The following PXDC1 variants were observed in gnomAD, a reference collection of about 807,000 sequenced individuals.
PXDC1 encodes the protein PX domain containing 1.
A neutral mutation model predicts 24.4 loss-of-function variants in PXDC1; 13 were observed. The observed-to-expected ratio is 0.53, with a 90% CI of 0.35 to 0.85. The LOEUF (loss-of-function observed/expected upper bound fraction) is 0.85, where lower values mean the gene tolerates loss of function less well. PXDC1 is among the 40% of genes least tolerant of loss of function. The pLI, the probability that PXDC1 is intolerant of heterozygous loss-of-function variation, is 0.01. For missense variants in PXDC1, 344 were observed against 309.3 expected, an observed-to-expected ratio of 1.11 and a Z score of -0.84; for synonymous variants, 162 against 124.9, an observed-to-expected ratio of 1.30 and a Z score of -1.98.
chr6:3,738,034 G>GC (rs3215783), intron 2 of PXDC1, 23 bp downstream of exon 2: 1 of 1,605,570 alleles, frequency 6.2e-7, no homozygotes, highest in Admixed American at 1.7e-5. Context: ...TCCCTGCCCA[G>GC]CCCGGGGCCT....
chr6:3,751,144 G>A (rs1429595013), intron 1 of PXDC1, 132 bp downstream of exon 1: 7 of 705,238 alleles, frequency 9.9e-6, no homozygotes, highest in South Asian at 2.5e-5. Flanking sequence ...CGGGCGCGGG[G>A]TCCAAGTGTC....
intron 1 of PXDC1, among the ~76,000 whole-genome samples, chr6:3,748,943 C>CT (rs897303907): frequency 6.6e-6 from 1 of 152,170 alleles, no homozygotes; most frequent in Non-Finnish European, 1.5e-5. Flanking sequence ...TCCAGATAAT[C>CT]TTTTTATGCA....
chr6:3,738,010 C>T (rs2127600315), intron 2 of PXDC1, 47 bp downstream of exon 2: 19 of 1,469,040 alleles, frequency 1.3e-5, no homozygotes, highest in African/African-American at 2.8e-5. Flanking sequence ...TGGGAGGTGC[C>T]AGCACCTCCC....
chr6:3,746,356 GA>G (rs922961034), intron 1 of PXDC1, among the ~76,000 whole-genome samples: 2 of 152,182 alleles, frequency 1.3e-5, no homozygotes, highest in Non-Finnish European at 2.9e-5. Context: ...GCTTGGCAAA[GA>G]AAAGCAAAAC....
chr6:3,743,951 G>C (rs747373149), intron 1 of PXDC1, among the ~76,000 whole-genome samples: 1 of 152,174 alleles, frequency 6.6e-6, no homozygotes, highest in Non-Finnish European at 1.5e-5. Flanking sequence ...CAGAACACCC[G>C]GAGGACCCAA....
At chr6:3,726,678 C>G (rs1438677962) in intron 4 of PXDC1, among the ~76,000 whole-genome samples, 1 of 152,218 alleles carries the variant, frequency 6.6e-6, no homozygotes, top group Non-Finnish European at 1.5e-5. Flanking sequence ...CACATGTGGC[C>G]GGCTCTAGTT....
chr6:3,736,702 C>T (rs1760324071), intron 3 of PXDC1, among the ~76,000 whole-genome samples: 1 of 152,194 alleles, frequency 6.6e-6, no homozygotes, highest in African/African-American at 2.4e-5. Context: ...TTGGTTATGG[C>T]TGCCCCTAAA....
At chr6:3,741,917 T>TC (rs1477876339) in intron 1 of PXDC1, among the ~76,000 whole-genome samples, 1 of 142,802 alleles carries the variant, frequency 7.0e-6, no homozygotes, top group Non-Finnish European at 1.6e-5. Context: ...GAAAACACTT[T>TC]TTAAAAAAAA....
chr6:3,734,387 T>TG (rs1040009246), intron 3 of PXDC1, among the ~76,000 whole-genome samples: 12 of 152,326 alleles, frequency 7.9e-5, no homozygotes, highest in African/African-American at 2.9e-4. Context: ...CCTTGATCTC[T>TG]GGGTTGCCCA....
rs921583671 is a variant in PXDC1, at chr6:3,743,931, T to C, written c.257-5783A>G. Among the ~76,000 whole-genome samples the C allele has an allele frequency of 3.9e-5, 6 of 152,198 alleles. No individual in the cohort carries two copies. The East Asian group carries it at 9.6e-4, about 24-fold the overall frequency. ...TGCAAGAGGAAGAGATGGAAGTGGC[T>C]GAGGAAAAACAGAACACCCGGAGGA... On this transcript the variant is annotated intron_variant, in intron 1 of 4. Coordinates refer to ENST00000380283, the MANE Select transcript of PXDC1 (RefSeq NM_183373.4).
chr6:3,726,496 T>C (rs1229706322), intron 4 of PXDC1, among the ~76,000 whole-genome samples: 1 of 152,180 alleles, frequency 6.6e-6, no homozygotes, highest in African/African-American at 2.4e-5. Flanking sequence ...GGAGACACAC[T>C]GGTAAAGACG....
In PXDC1 at chr6:3,723,537, C is replaced by G. The variant is rs770772972; in HGVS notation, c.*82G>C. ...GGGAGTTCCAGAGCTGGGGCAGCAG[C>G]TGTGACCATGGGGGCCAGCACAGTG... On this transcript the variant is annotated 3_prime_UTR_variant, in exon 5 of 5. Coordinates refer to ENST00000380283, the MANE Select transcript of PXDC1 (RefSeq NM_183373.4). 1 of 1,091,716 alleles carries G rather than the reference C, an allele frequency of 9.2e-7. No individual in the cohort carries two copies. Among genetic ancestry groups the G allele is most frequent in the Non-Finnish European group, 1.4e-6 (1 of 715,092 alleles). 67.6% of individuals were successfully genotyped at this position (1,091,716 alleles called of 1,614,324 possible).
At chr6:3,738,315 G>A (rs1293433221) in intron 1 of PXDC1, among the ~76,000 whole-genome samples, 167 bp from the exon 2 acceptor site, 1 of 152,210 alleles carries the variant, frequency 6.6e-6, no homozygotes, top group Admixed American at 6.5e-5. Context: ...TGGAAGTCCT[G>A]CTCTAAGCCT....
intron 1 of PXDC1, among the ~76,000 whole-genome samples, chr6:3,743,309 G>A (rs1347352892): frequency 6.6e-6 from 1 of 152,150 alleles, no homozygotes; most frequent in Non-Finnish European, 1.5e-5. Context: ...GTTCCCACAC[G>A]CACACAACAG....
chr6:3,734,784 G>GA (rs143115510), intron 3 of PXDC1, among the ~76,000 whole-genome samples: 15,368 of 151,526 alleles, frequency 0.1, 1,120 homozygotes, highest in African/African-American at 0.2. Context: ...CACAGGAATA[G>GA]AAAAAAAAAT....
rs771198272 is a variant in PXDC1 at position 3,751,553 on chromosome 6, A to G, written c.-22T>C. On this transcript the variant is annotated 5_prime_UTR_variant, in exon 1 of 5. Transcript: ENST00000380283. The stretch of plus-strand genomic sequence containing the variant: ...CCATGTCGCACGCATGCCCCCGCCA[A>G]GGGCTCCCCAGCCCCGCCGCCCGCC... The G allele has an allele frequency of 1.6e-4, 244 of 1,533,336 alleles. 1 individual carries two copies. The Admixed American group carries it at 4.6e-3, about 29-fold the overall frequency. The allele number at this position is 1,533,336 out of a possible 1,614,324, so 95.0% of individuals were successfully genotyped here.
rs554341261 is a variant in PXDC1, at chr6:3,728,579, G to C, written c.467-917C>G. 6.6e-6 allele frequency among the ~76,000 whole-genome samples: 1 copy of C among 152,268 alleles called. No individual in the cohort carries two copies. Among genetic ancestry groups the C allele is most frequent in the Non-Finnish European group, 1.5e-5 (1 of 68,026 alleles). ...AGCTAGAGGGTGGAAGTCTGCGCTC[G>C]TCCTTGGCTGGAGGGGCTGGAATGG... On this transcript the variant is annotated intron_variant, in intron 3 of 4. Coordinates refer to ENST00000380283, the MANE Select transcript of PXDC1 (RefSeq NM_183373.4). The surrounding 1 kb of genome is among the most constrained non-coding windows in gnomAD (Gnocchi z 4.0).
chr6:3,744,851 T>C (rs1419768237), intron 1 of PXDC1, among the ~76,000 whole-genome samples: 1 of 151,522 alleles, frequency 6.6e-6, no homozygotes, highest in Non-Finnish European at 1.5e-5. Flanking sequence ...GCATGCGCGC[T>C]ACCAGGCTCG....
rs1300924943 is a variant in PXDC1 at position 3,738,156 on chromosome 6, T to C, written c.257-8A>G. The stretch of plus-strand genomic sequence containing the variant: ...CCTTTATGGCAACCAGTCCTAGAAT[T>C]GAGACAGAAATGCTCAAAGTCAGAA... On this transcript the variant is annotated splice_region_variant and splice_polypyrimidine_tract_variant and intron_variant, in intron 1 of 4. Transcript: ENST00000380283. The C allele has an allele frequency of 6.2e-7, 1 of 1,610,056 alleles. No individual in the cohort carries two copies. The highest frequency in any genetic ancestry group is 2.2e-5 in the East Asian group (1 of 44,866).
Sources: gnomAD v4.1 joint callset for allele counts (sites outside exome capture counted in the v4.1 genomes callset) on GRCh38, gnomAD v4.1.1 for gene constraint, Gnocchi (gnomAD v3.1) non-coding constraint, MANE v1.5 for transcripts, NCBI Gene and HGNC (gene_info 2026-07-23, HGNC 2026-07-21) for gene names.